The following SLC39A11 variants were observed in gnomAD, a reference collection of about 807,000 sequenced individuals.
SLC39A11 encodes zinc transporter ZIP11.
In SLC39A11, 33 loss-of-function variants were observed where a neutral mutation model predicts 36.1. The ratio of observed to expected loss-of-function variants is 0.91; its 90% confidence interval spans 0.69 to 1.22. The LOEUF is 1.22. Among genes scored for constraint, SLC39A11 ranks in the 50% most tolerant of loss-of-function variants. The pLI is 0.00. For missense variants in SLC39A11, 432 were observed against 430.3 expected (o/e 1.00, Z -0.03); for synonymous variants, 166 against 170.3 (o/e 0.97, Z 0.20).
intron 5 of SLC39A11, among the ~76,000 whole-genome samples, chr17:72,871,380 A>G (rs1159440121): frequency 6.6e-6 from 1 of 152,066 alleles, no homozygotes; most frequent in Non-Finnish European, 1.5e-5. Flanking sequence ...GCCCCTTTCA[A>G]TCACACCTAA....
chr17:72,861,657 TTATATATATATATATATATATATA>T (rs373265286), intron 5 of SLC39A11, among the ~76,000 whole-genome samples: 1 of 50,952 alleles, frequency 2.0e-5, no homozygotes, highest in East Asian at 1.5e-3. Context: ...ATACAACACA[TTATATATATATATATATATATATA>T]TATATATAAA....
intron 7 of SLC39A11, among the ~76,000 whole-genome samples, chr17:72,692,232 C>T (rs939372070): frequency 3.9e-5 from 6 of 152,098 alleles, no homozygotes; most frequent in Admixed American, 2.6e-4. Flanking sequence ...AGGATGGTCT[C>T]GATCTCCTGA....
At chr17:72,758,698 C>T (rs2075453533) in intron 6 of SLC39A11, among the ~76,000 whole-genome samples, 2 of 152,210 alleles carry the variant, frequency 1.3e-5, no homozygotes, top group South Asian at 2.1e-4. Context: ...AAGGCTTCTG[C>T]ACTTGGTCAC....
At chr17:73,001,665 T>C (rs2089831409) in intron 4 of SLC39A11, among the ~76,000 whole-genome samples, 1 of 151,982 alleles carries the variant, frequency 6.6e-6, no homozygotes, top group African/African-American at 2.4e-5. Flanking sequence ...TCCAGCCAAG[T>C]CAAGATGTAA....
rs2060096 is a variant in SLC39A11 at position 72,744,988 on chromosome 17, C to A, written c.602-8269G>T. ...TCCTGAGTAGCTGGGATTACAGGTG[C>A]GCACCACCAGGCCTGGCTAATTTTT... is the stretch of plus-strand genomic sequence containing the variant. On this transcript the variant is annotated intron_variant, in intron 6 of 9. Transcript: ENST00000255559. 5.9e-5 allele frequency among the ~76,000 whole-genome samples: 9 copies of A among 152,074 alleles called. No homozygotes were observed. In the South Asian group the frequency reaches 6.2e-4, roughly 10 times the overall value.
At chr17:72,949,150 T>TTTTTTTTTTA (rs2085671126) in intron 4 of SLC39A11, among the ~76,000 whole-genome samples, 1 of 84,820 alleles carries the variant, frequency 1.2e-5, no homozygotes, top group Non-Finnish European at 1.9e-5. Flanking sequence ...GCAGCTTTTT[T>TTTTTTTTTTA]TTTTTTTTTT....
At chr17:72,914,937 G>C (rs2083249183) in intron 5 of SLC39A11, among the ~76,000 whole-genome samples, 1 of 151,698 alleles carries the variant, frequency 6.6e-6, no homozygotes, top group South Asian at 2.1e-4. Context: ...TTTTGATTTT[G>C]GTTTTTGCCA....
At chr17:72,894,522 T>C (rs77612382) in intron 5 of SLC39A11, among the ~76,000 whole-genome samples, 1 of 136,048 alleles carries the variant, frequency 7.4e-6, no homozygotes, top group Non-Finnish European at 1.6e-5. Context: ...AAAAAAAAAT[T>C]AGCCGGGTGT....
chr17:73,033,999 ACAGGATGGGAG>A (rs2058824347), intron 3 of SLC39A11, among the ~76,000 whole-genome samples: 1 of 152,216 alleles, frequency 6.6e-6, no homozygotes, highest in Non-Finnish European at 1.5e-5. Context: ...CCTCTGCTCA[ACAGGATGGGAG>A]CTGAGGCTGA....
intron 7 of SLC39A11, among the ~76,000 whole-genome samples, chr17:72,727,651 CAAAAAAAAA>C (rs57874434): frequency 1.4e-5 from 1 of 73,178 alleles, no homozygotes; most frequent in Non-Finnish European, 3.0e-5. Flanking sequence ...GACTCCGTCT[CAAAAAAAAA>C]AAAAAAAAAA....
chr17:72,886,392 C>T (rs1432900446), intron 5 of SLC39A11, among the ~76,000 whole-genome samples: 1 of 152,200 alleles, frequency 6.6e-6, no homozygotes, highest in African/African-American at 2.4e-5. Flanking sequence ...TTGTTTTTCT[C>T]CAGCCACTCC....
intron 5 of SLC39A11, among the ~76,000 whole-genome samples, chr17:72,893,480 T>C (rs959522217): frequency 6.6e-6 from 1 of 152,118 alleles, no homozygotes; most frequent in South Asian, 2.1e-4. Flanking sequence ...TATATATATA[T>C]AGATACGGAC....
chr17:72,874,200 T>C (rs903895190), intron 5 of SLC39A11, among the ~76,000 whole-genome samples: 3 of 152,136 alleles, frequency 2.0e-5, no homozygotes, highest in South Asian at 2.1e-4. Flanking sequence ...TGGTTGACAG[T>C]ATAATAGGAG....
At chr17:73,081,550 T>C (rs1395026856) in intron 3 of SLC39A11, among the ~76,000 whole-genome samples, 2 of 150,046 alleles carry the variant, frequency 1.3e-5, no homozygotes, top group African/African-American at 4.9e-5. Flanking sequence ...CAATTCACAA[T>C]TGCAAAAATA....
At chr17:72,681,458 G>C (rs1321339286) in intron 7 of SLC39A11, among the ~76,000 whole-genome samples, 1 of 152,198 alleles carries the variant, frequency 6.6e-6, no homozygotes, top group Non-Finnish European at 1.5e-5. Flanking sequence ...AATAGTCCAG[G>C]AGAGAGACCA....
intron 6 of SLC39A11, among the ~76,000 whole-genome samples, chr17:72,832,334 C>T (rs72847923): frequency 0.043 from 6,534 of 152,324 alleles, 174 homozygotes; most frequent in Non-Finnish European, 0.062. Context: ...GGGCTTCACA[C>T]ACATACTGAT....
At chr17:73,051,995 T>C (rs2059520178) in intron 3 of SLC39A11, among the ~76,000 whole-genome samples, 1 of 151,898 alleles carries the variant, frequency 6.6e-6, no homozygotes, top group African/African-American at 2.4e-5. Flanking sequence ...GGCCTCAGTT[T>C]TGTCAGCTGT....
intron 7 of SLC39A11, among the ~76,000 whole-genome samples, chr17:72,667,340 C>G (rs992253077): frequency 1.3e-5 from 2 of 152,198 alleles, no homozygotes; most frequent in African/African-American, 4.8e-5. Flanking sequence ...CCTGCTGACT[C>G]TAGGTGCAGG....
intron 6 of SLC39A11, among the ~76,000 whole-genome samples, chr17:72,771,732 A>G (rs1219400245): frequency 2.0e-5 from 3 of 152,174 alleles, no homozygotes; most frequent in Non-Finnish European, 2.9e-5. Context: ...ATAAGAAAAA[A>G]CGATGTGTGA....
Sources: gnomAD v4.1 joint callset for allele counts (sites outside exome capture counted in the v4.1 genomes callset) on GRCh38, gnomAD v4.1.1 for gene constraint, MANE v1.5 for transcripts, NCBI Gene and HGNC (gene_info 2026-07-23, HGNC 2026-07-21) for gene names.